Variants in SLC24A2 observed in about 807,000 individuals in gnomAD.
SLC24A2 encodes sodium/potassium/calcium exchanger 2.
Under a neutral mutation model 62.0 loss-of-function variants are expected in SLC24A2, and 36 were observed. The ratio of observed to expected loss-of-function variants is 0.58; its 90% CI spans 0.44 to 0.77. The LOEUF is 0.77. SLC24A2 is among the 30% of genes least tolerant of loss of function. The pLI is 0.00. For synonymous variants in SLC24A2, 358 were observed against 294.0 expected, an observed-to-expected ratio of 1.22 and a Z score of -2.23; for missense variants, 846 against 817.9, an observed-to-expected ratio of 1.03 and a Z score of -0.42.
chr9:20,193,119 A>G, the SLC24A2 span, among the ~76,000 whole-genome samples: 11 of 152,178 alleles, frequency 7.2e-5, no homozygotes, highest in African/African-American at 2.4e-4. Context: ...AAAAGAAACA[A>G]TAACAGGTGG....
chr9:20,092,720 C>T, the SLC24A2 span, among the ~76,000 whole-genome samples: 55 of 152,136 alleles, frequency 3.6e-4, no homozygotes, highest in African/African-American at 1.3e-3. Flanking sequence ...CCATAGTTAC[C>T]ATTTGTGTGT....
At chr9:19,692,975 C>A (rs1370318568) in intron 2 of SLC24A2, among the ~76,000 whole-genome samples, 2 of 152,170 alleles carry the variant, frequency 1.3e-5, no homozygotes, top group Non-Finnish European at 2.9e-5. Flanking sequence ...CACATAACTT[C>A]TAACAGGTTG....
intron 2 of SLC24A2, among the ~76,000 whole-genome samples, chr9:19,762,307 G>C (rs569305432): frequency 6.6e-6 from 1 of 152,242 alleles, no homozygotes; most frequent in African/African-American, 2.4e-5. Flanking sequence ...AAGCTCTTTA[G>C]GTTAATTAGA....
At chr9:19,996,665 C>T in the SLC24A2 span, among the ~76,000 whole-genome samples, 1 of 149,920 alleles carries the variant, frequency 6.7e-6, no homozygotes, top group Non-Finnish European at 1.5e-5. Context: ...TCGCTTGAAC[C>T]TGGGAGGTGG....
At chr9:19,621,255 T>G (rs940897862) in intron 3 of SLC24A2, among the ~76,000 whole-genome samples, 10 of 152,278 alleles carry the variant, frequency 6.6e-5, no homozygotes, top group African/African-American at 2.4e-4. Context: ...TCAATAGGGA[T>G]GGAAAAGAAT....
At chr9:19,912,736 A>T in the SLC24A2 span, among the ~76,000 whole-genome samples, 6 of 152,194 alleles carry the variant, frequency 3.9e-5, no homozygotes, top group African/African-American at 1.4e-4. Context: ...AGTGGTGGAT[A>T]CTATCCCATC....
At chr9:20,123,882 T>C in the SLC24A2 span, among the ~76,000 whole-genome samples, 2 of 152,186 alleles carry the variant, frequency 1.3e-5, no homozygotes, top group African/African-American at 2.4e-5. Flanking sequence ...AACAAAAAAC[T>C]ATTACTGCAA....
chr9:20,103,630 C>A, the SLC24A2 span, among the ~76,000 whole-genome samples: 2 of 152,210 alleles, frequency 1.3e-5, no homozygotes, highest in African/African-American at 2.4e-5. Flanking sequence ...AGACCTGGAG[C>A]TGAGGGTCCT....
At chr9:19,518,366 G>A (rs1015700626) in intron 10 of SLC24A2, among the ~76,000 whole-genome samples, 1 of 151,562 alleles carries the variant, frequency 6.6e-6, no homozygotes, top group Non-Finnish European at 1.5e-5. Context: ...ATTTCAAAAG[G>A]TTGGTGAGTT....
chr9:20,237,529 A>G, the SLC24A2 span, among the ~76,000 whole-genome samples: 2 of 152,184 alleles, frequency 1.3e-5, no homozygotes, highest in African/African-American at 2.4e-5. Flanking sequence ...ACTTGGAAGG[A>G]TACTGAAGAC....
At position 19,573,613 on chromosome 9, in the gene SLC24A2, G is replaced by A. The variant is rs960550331; in HGVS notation, c.1229-144C>T. 72 of 755,310 alleles carry A rather than the reference G, an allele frequency of 9.5e-5. 2 individuals carry two copies. Among genetic ancestry groups the A allele is most frequent in the South Asian group, 6.7e-4 (48 of 71,586 alleles). 46.8% of individuals were successfully genotyped at this position (755,310 alleles called of 1,614,324 possible). On this transcript the variant is annotated intron_variant, in intron 6 of 10. Transcript: ENST00000341998. ...ATTGAAAAGAGTTTCCTAAAATGTTGGGCTAAAGCAGAGGATAGTGGTGTC... is the reference window on the plus strand; with the variant it reads ...ATTGAAAAGAGTTTCCTAAAATGTTAGGCTAAAGCAGAGGATAGTGGTGTC...
chr9:19,567,067 CCTG>C (rs908691690), intron 7 of SLC24A2, among the ~76,000 whole-genome samples: 32 of 151,296 alleles, frequency 2.1e-4, no homozygotes, highest in Non-Finnish European at 1.2e-4. Context: ...ATGTAATAAA[CCTG>C]CACGTTGTGC....
the SLC24A2 span, among the ~76,000 whole-genome samples, chr9:20,165,817 G>C: frequency 2.0e-5 from 3 of 151,854 alleles, no homozygotes; most frequent in South Asian, 6.2e-4. Flanking sequence ...AAAGGTTTTT[G>C]CATAAAAAAT....
intron 2 of SLC24A2, among the ~76,000 whole-genome samples, chr9:19,784,526 AATC>A (rs771532427): frequency 1.4e-4 from 22 of 152,204 alleles, no homozygotes; most frequent in Non-Finnish European, 2.4e-4. Context: ...TTTCCTTGAC[AATC>A]GTTCAGTACT....
chr9:19,626,862 C>T (rs1326847536), intron 2 of SLC24A2, among the ~76,000 whole-genome samples: 1 of 152,074 alleles, frequency 6.6e-6, no homozygotes, highest in Non-Finnish European at 1.5e-5. Context: ...ACCTCAAAGC[C>T]TATTGGGAAG....
chr9:20,141,225 G>A, the SLC24A2 span, among the ~76,000 whole-genome samples: 2 of 152,014 alleles, frequency 1.3e-5, no homozygotes, highest in South Asian at 2.1e-4. Context: ...GGCTCACCTG[G>A]TAAGAGATAG....
the SLC24A2 span, among the ~76,000 whole-genome samples, chr9:20,226,312 C>T: frequency 5.5e-3 from 833 of 152,216 alleles, 17 homozygotes; most frequent in East Asian, 0.046. Flanking sequence ...TAAGGTGAAG[C>T]ATATGGGAAA....
chr9:19,629,650 T>G (rs1818126144), intron 2 of SLC24A2, among the ~76,000 whole-genome samples: 2 of 152,204 alleles, frequency 1.3e-5, no homozygotes, highest in African/African-American at 4.8e-5. Flanking sequence ...AGTTGATAGC[T>G]CAGCAGTAGG....
the SLC24A2 span, among the ~76,000 whole-genome samples, chr9:20,097,657 A>G: frequency 1.1e-4 from 17 of 148,438 alleles, no homozygotes; most frequent in African/African-American, 3.5e-4. Flanking sequence ...GACAGTCCCA[A>G]TGTGGTTGCT....
Sources: allele counts gnomAD v4.1 joint callset (sites outside exome capture counted in the v4.1 genomes callset), GRCh38; gene constraint gnomAD v4.1.1; transcripts MANE v1.5; gene names NCBI Gene and HGNC (gene_info 2026-07-23, HGNC 2026-07-21).